The following MCTP1 variants were observed in gnomAD, a reference collection of about 807,000 sequenced individuals.
MCTP1 encodes the protein multiple C2 and transmembrane domain containing 1.
A neutral mutation model predicts 120.6 loss-of-function variants in MCTP1; 69 were observed. The observed-to-expected ratio is 0.57, with a 90% CI of 0.47 to 0.70. The LOEUF is 0.70. Ranked by LOEUF, MCTP1 falls within the 30% of genes least tolerant of loss-of-function variation. The probability of loss-of-function intolerance (pLI) is 0.00; values close to 1 mark genes in which losing one functional copy is unlikely to be tolerated. For synonymous variants in MCTP1, 529 were observed against 493.1 expected (o/e 1.07, Z -0.96); for missense variants, 1,203 against 1,248.8 (o/e 0.96, Z 0.55).
chr5:94,745,939 A>G (rs1766793768), intron 19 of MCTP1, among the ~76,000 whole-genome samples: 2 of 152,178 alleles, frequency 1.3e-5, no homozygotes, highest in South Asian at 4.1e-4. Context: ...TTATTGCCTC[A>G]TGGTGTTAAT....
intron 1 of MCTP1, among the ~76,000 whole-genome samples, chr5:95,229,601 T>C (rs1754682084): frequency 6.6e-6 from 1 of 151,766 alleles, no homozygotes; most frequent in South Asian, 2.1e-4. Context: ...ACACCACAGG[T>C]GTGGTGGCGG....
chr5:95,275,368 T>C (rs1364578076), intron 1 of MCTP1, among the ~76,000 whole-genome samples: 3 of 152,222 alleles, frequency 2.0e-5, no homozygotes, highest in East Asian at 1.9e-4. Context: ...GGTGCCAGTA[T>C]TCAGCTGAGA....
At chr5:95,256,092 T>G (rs1757858743) in intron 1 of MCTP1, among the ~76,000 whole-genome samples, 1 of 152,222 alleles carries the variant, frequency 6.6e-6, no homozygotes, top group Admixed American at 6.5e-5. Flanking sequence ...AACCCTAGCT[T>G]GATGCATCTT....
At chr5:95,094,783 A>G (rs146068679) in intron 1 of MCTP1, among the ~76,000 whole-genome samples, 2 of 152,280 alleles carry the variant, frequency 1.3e-5, no homozygotes, top group African/African-American at 4.8e-5. Context: ...ATTCTCATTT[A>G]TCCTGAGTAT....
rs1754917725 is a variant in MCTP1 at position 94,707,409 on chromosome 5, CAGAA to C, written c.*83_*86del. The C allele has an allele frequency of 4.0e-6, 4 of 1,011,374 alleles. No individual in the cohort carries two copies. Among genetic ancestry groups the C allele is most frequent in the African/African-American group, 1.6e-5 (1 of 61,024 alleles). The allele number at this position is 1,011,374 out of a possible 1,614,324, so 62.7% of individuals were successfully genotyped here. ...ATAAAAAGGCAAAATAAATAAAAAG[CAGAA>C]AGAAAGGAAATGCTGCTGAGGCTGA... On this transcript the variant is annotated 3_prime_UTR_variant, in exon 23 of 23. Coordinates refer to ENST00000515393, the MANE Select transcript of MCTP1 (RefSeq NM_024717.7).
In MCTP1 at chr5:95,087,100, C is replaced by T. The variant is rs541382460; in HGVS notation, c.721-69616G>A. Among the ~76,000 whole-genome samples the T allele has an allele frequency of 4.6e-5, 7 of 152,270 alleles. No homozygotes were observed. In the South Asian group the frequency reaches 1.0e-3, roughly 23 times the overall value. On this transcript the variant is annotated intron_variant, in intron 1 of 22. Transcript: ENST00000515393. ...AGAAATAGAGAAGCGTGGCCAGCAG[C>T]GTCACACATTTCCTGAGGCAGATTA...
intron 1 of MCTP1, among the ~76,000 whole-genome samples, chr5:95,169,914 A>G (rs1038525516): frequency 2.0e-5 from 3 of 151,860 alleles, no homozygotes; most frequent in Non-Finnish European, 2.9e-5. Context: ...CTCTGATCTT[A>G]GTTATTTCTT....
intron 2 of MCTP1, among the ~76,000 whole-genome samples, chr5:95,008,427 ACACT>A (rs1835200087): frequency 1.3e-5 from 2 of 152,230 alleles, no homozygotes; most frequent in African/African-American, 2.4e-5. Flanking sequence ...GCACTGCTTG[ACACT>A]CACTTCCAGT....
chr5:95,222,485 A>G (rs1753798444), intron 1 of MCTP1, among the ~76,000 whole-genome samples: 1 of 152,254 alleles, frequency 6.6e-6, no homozygotes, highest in Non-Finnish European at 1.5e-5. Context: ...TGGTTAACAA[A>G]ATACACATTG....
chr5:95,082,370 A>G lies in MCTP1; in HGVS notation c.721-64886T>C, dbSNP rs149345729. ...TTAACACTGAGCTGTATTAAGCTTG[A>G]TCAAATATTGAATTATTATATTTAG... On this transcript the variant is annotated intron_variant, in intron 1 of 22. Coordinates refer to ENST00000515393, the MANE Select transcript of MCTP1 (RefSeq NM_024717.7). Among the ~76,000 whole-genome samples, 433 of 152,302 alleles carry G rather than the reference A, an allele frequency of 2.8e-3. 7 individuals carry two copies. The highest frequency in any genetic ancestry group is 7.6e-4 in the Non-Finnish European group (52 of 68,026).
chr5:94,837,740 G>A (rs925375205), intron 17 of MCTP1, among the ~76,000 whole-genome samples: 18 of 152,152 alleles, frequency 1.2e-4, no homozygotes, highest in African/African-American at 3.6e-4. Flanking sequence ...GGGTTTCAGG[G>A]TGGAGATGAG....
intron 1 of MCTP1, among the ~76,000 whole-genome samples, chr5:95,090,596 G>A (rs1001651884): frequency 6.6e-6 from 1 of 152,162 alleles, no homozygotes; most frequent in Non-Finnish European, 1.5e-5. Flanking sequence ...GGGCACTGAC[G>A]TTGCTCCTCT....
intron 1 of MCTP1, among the ~76,000 whole-genome samples, chr5:95,105,584 T>C (rs1245363409): frequency 6.6e-6 from 1 of 152,046 alleles, no homozygotes; most frequent in East Asian, 1.9e-4. Flanking sequence ...GGGAAGAGGA[T>C]ATCACATCTC....
chr5:94,708,336 T>G (rs961980698), intron 22 of MCTP1, 176 bp downstream of exon 22: 4 of 481,176 alleles, frequency 8.3e-6, no homozygotes, highest in African/African-American at 5.9e-5. Flanking sequence ...CTGTAAGTGC[T>G]TCTTGGATAA....
intron 2 of MCTP1, among the ~76,000 whole-genome samples, chr5:95,007,729 GA>G (rs1835050535): frequency 6.6e-6 from 1 of 152,134 alleles, no homozygotes. Context: ...AGTACACTGT[GA>G]AAAAAGTGAA....
At chr5:94,729,301 T>C (rs771934299) in intron 19 of MCTP1, among the ~76,000 whole-genome samples, 22 of 152,262 alleles carry the variant, frequency 1.4e-4, no homozygotes, top group Middle Eastern at 6.8e-3. Context: ...GCCCAGATGA[T>C]GGTCACATGG....
At chr5:94,777,733 T>C (rs546168756) in intron 19 of MCTP1, among the ~76,000 whole-genome samples, 2 of 152,106 alleles carry the variant, frequency 1.3e-5, no homozygotes, top group African/African-American at 4.8e-5. Flanking sequence ...ATCATATCAT[T>C]TATTGCCAGA....
chr5:95,196,702 G>A (rs1750436017), intron 1 of MCTP1, among the ~76,000 whole-genome samples: 1 of 152,200 alleles, frequency 6.6e-6, no homozygotes, highest in Non-Finnish European at 1.5e-5. Flanking sequence ...GAGCAGTTTG[G>A]TTGGCATGAG....
rs561587534 is a variant in MCTP1 at position 95,211,554 on chromosome 5, G to A, written c.720+72302C>T. 5.9e-5 allele frequency among the ~76,000 whole-genome samples: 9 copies of A among 152,188 alleles called. No individual in the cohort carries two copies. The South Asian group carries it at 1.0e-3, about 18-fold the overall frequency. On this transcript the variant is annotated intron_variant, in intron 1 of 22. Coordinates refer to ENST00000515393, the MANE Select transcript of MCTP1 (RefSeq NM_024717.7). The stretch of plus-strand genomic sequence containing the variant: ...CTCCTTTAAGCACTTCTCTGTATTG[G>A]TTATTCTAGTTATACATTCGTCTAA...
Sources: allele counts gnomAD v4.1 joint callset (sites outside exome capture counted in the v4.1 genomes callset), GRCh38; gene constraint gnomAD v4.1.1; transcripts MANE v1.5; gene names NCBI Gene and HGNC (gene_info 2026-07-23, HGNC 2026-07-21).